USP22: variants seen among roughly 807,000 people sequenced by gnomAD.
The protein encoded by USP22 is ubiquitin specific peptidase 22.
USP22 carries 22 observed loss-of-function variants against 68.1 expected under a neutral mutation model. The ratio of observed to expected loss-of-function variants is 0.32; its 90% CI spans 0.23 to 0.46. The LOEUF (loss-of-function observed/expected upper bound fraction) is 0.46, where lower values mean the gene tolerates loss of function less well. Among genes scored for constraint, USP22 ranks in the 20% least tolerant of loss-of-function variants. The pLI, the probability that USP22 is intolerant of heterozygous loss-of-function variation, is 1.00. For missense variants in USP22, 433 were observed against 695.8 expected (o/e 0.62, Z 4.25); for synonymous variants, 279 against 274.2 (o/e 1.02, Z -0.17).
rs1597690248 is a variant in USP22 at position 21,011,059 on chromosome 17, T to C, written c.1103+92A>G. 6.7e-6 allele frequency: 10 copies of C among 1,482,454 alleles called. No individual in the cohort carries two copies. In the East Asian group the frequency reaches 1.9e-4, roughly 28 times the overall value. 91.8% of individuals were successfully genotyped at this position (1,482,454 alleles called of 1,614,324 possible). A position where few individuals can be genotyped will look rare whatever the true frequency, so the allele number is the denominator to read the frequency against. ...CTGCACCTTTGCCCAGGCTCTGTCC[T>C]GGGCATGTGAAAGAGCCCTGCTTTG... On this transcript the variant is annotated intron_variant, in intron 8 of 12. Coordinates refer to ENST00000261497, the MANE Select transcript of USP22 (RefSeq NM_015276.2).
upstream of USP22, chr17:21,043,074 G>C (rs1301267406): frequency 4.1e-6 from 1 of 241,730 alleles, no homozygotes; most frequent in Admixed American, 5.6e-5. Context: ...CGCGGTTCGC[G>C]GAGGGTGTCG....
chr17:21,041,145 C>T (rs554878287), intron 1 of USP22, among the ~76,000 whole-genome samples: 2 of 151,980 alleles, frequency 1.3e-5, no homozygotes, highest in South Asian at 4.2e-4. Context: ...GGCCTCCCCA[C>T]GTGCTGGGAT....
intron 1 of USP22, among the ~76,000 whole-genome samples, chr17:21,030,453 A>T (rs138181951): frequency 3.0e-4 from 46 of 152,312 alleles, no homozygotes; most frequent in African/African-American, 1.1e-3. Context: ...AGATATATAC[A>T]GTTTCAGAGT....
At chr17:21,034,147 T>A (rs1972326616) in intron 1 of USP22, among the ~76,000 whole-genome samples, 2 of 151,850 alleles carry the variant, frequency 1.3e-5, no homozygotes, top group Admixed American at 1.3e-4. Context: ...TTCCCCAACC[T>A]CAAAAACCTC....
At position 21,041,018 on chromosome 17, in the gene USP22, G is replaced by C. The variant is rs112157308; in HGVS notation, c.171+1647C>G. On this transcript the variant is annotated intron_variant, in intron 1 of 12. Transcript: ENST00000261497. The stretch of plus-strand genomic sequence containing the variant: ...TCCTGCCTCAACCTCTGGAGTAGCT[G>C]GGATTACAGGCGCCCGCCATCACAC... Among the ~76,000 whole-genome samples the C allele has an allele frequency of 7.4e-4, 112 of 151,950 alleles. 1 individual carries two copies. The highest frequency in any genetic ancestry group is 2.6e-3 in the African/African-American group (108 of 41,452).
intron 7 of USP22, 109 bp from the exon 8 acceptor site, chr17:21,011,418 C>G: frequency 7.3e-7 from 1 of 1,376,598 alleles, no homozygotes; most frequent in Non-Finnish European, 9.9e-7. Context: ...TGCCCTTTGT[C>G]ACAGTGACAC....
At chr17:21,006,826 C>A (rs530953676) in intron 10 of USP22, 70 bp downstream of exon 10, 5 of 1,310,140 alleles carry the variant, frequency 3.8e-6, no homozygotes, top group Non-Finnish European at 3.1e-6. Context: ...ATAGGAGCTC[C>A]GAGCTGGATT....
intron 5 of USP22, among the ~76,000 whole-genome samples, chr17:21,017,168 T>C (rs1972093205): frequency 6.6e-6 from 1 of 152,196 alleles, no homozygotes. Flanking sequence ...GTCCAACTGC[T>C]CAACTCTGTG....
At chr17:21,009,468 C>T (rs60329988) in intron 8 of USP22, among the ~76,000 whole-genome samples, 2 of 151,384 alleles carry the variant, frequency 1.3e-5, no homozygotes, top group South Asian at 2.1e-4. Context: ...AGTGGGGACC[C>T]GGGTGCACTC....
At chr17:21,014,142 G>A (rs945139343) in intron 6 of USP22, among the ~76,000 whole-genome samples, 2 of 152,236 alleles carry the variant, frequency 1.3e-5, no homozygotes, top group African/African-American at 2.4e-5. Context: ...CAAAATGCAC[G>A]TAACCAAGGC....
intron 8 of USP22, among the ~76,000 whole-genome samples, chr17:21,010,038 G>A (rs1913904456): frequency 1.3e-5 from 2 of 151,902 alleles, no homozygotes; most frequent in African/African-American, 4.8e-5. Flanking sequence ...AACTACTCAG[G>A]AGGCCGAGAC....
rs1216120754 is a variant in USP22, at chr17:21,000,111, GCCAT to G, written c.*2916_*2919del. On this transcript the variant is annotated 3_prime_UTR_variant, in exon 13 of 13. Coordinates refer to ENST00000261497, the MANE Select transcript of USP22 (RefSeq NM_015276.2). ...GCCAGCCAGCATCTCCAAAATGCAGGCCATTTTAACACTGCTGTGAATGTGCTGG... is the reference window on the plus strand; with the variant it reads ...GCCAGCCAGCATCTCCAAAATGCAGGTTTAACACTGCTGTGAATGTGCTGG... 3 of 152,226 alleles carry G rather than the reference GCCAT, an allele frequency of 2.0e-5. No individual in the cohort carries two copies. The highest frequency in any genetic ancestry group is 4.8e-5 in the African/African-American group (2 of 41,452). 9.4% of individuals were successfully genotyped at this position (152,226 alleles called of 1,614,324 possible).
intron 2 of USP22, among the ~76,000 whole-genome samples, chr17:21,027,953 G>C (rs1009513347): frequency 6.6e-6 from 1 of 152,118 alleles, no homozygotes; most frequent in Admixed American, 6.6e-5. Context: ...GGGTGACAGC[G>C]CGAGACTCCA....
Position 21,003,013 on chromosome 17 carries a change from G to A in USP22, c.*18C>T. ...GCCAATGCATTGCCTTTGTTTTTCT[G>A]ACCAGCTGCAGATAAGGCTACTCGT... On this transcript the variant is annotated 3_prime_UTR_variant, in exon 13 of 13. Transcript: ENST00000261497. The A allele has an allele frequency of 1.2e-6, 2 of 1,613,294 alleles. No individual in the cohort carries two copies. Among genetic ancestry groups the A allele is most frequent in the Admixed American group, 3.3e-5 (2 of 60,010 alleles).
chr17:21,024,869 G>GAGGTTGGGAGGATCACTTC (rs1241861509), intron 2 of USP22, among the ~76,000 whole-genome samples: 5 of 152,178 alleles, frequency 3.3e-5, no homozygotes, highest in African/African-American at 1.2e-4. Context: ...TCAGGAGGCT[G>GAGGTTGGGAGGATCACTTC]AGGTTGGGAG....
chr17:21,010,999 C>G (rs941874232), intron 8 of USP22, 152 bp downstream of exon 8: 2 of 1,096,100 alleles, frequency 1.8e-6, no homozygotes, highest in Admixed American at 6.7e-5. Context: ...AAAGGACAAA[C>G]TAGCACAAGA....
chr17:21,013,747 G>A (rs1367973650), intron 6 of USP22, among the ~76,000 whole-genome samples: 1 of 152,174 alleles, frequency 6.6e-6, no homozygotes, highest in Non-Finnish European at 1.5e-5. Context: ...AAATTCAGAG[G>A]ACAAGAATAT....
intron 2 of USP22, among the ~76,000 whole-genome samples, chr17:21,027,931 G>A (rs779967465): frequency 6.6e-6 from 1 of 152,076 alleles, no homozygotes; most frequent in Non-Finnish European, 1.5e-5. Context: ...TCACACCACC[G>A]CACTCCACCC....
Position 21,011,136 on chromosome 17 carries a change from G to A in USP22, c.1103+15C>T, listed in dbSNP as rs752402160. The A allele has an allele frequency of 5.1e-6, 8 of 1,574,240 alleles. No homozygotes were observed. The highest frequency in any genetic ancestry group is 6.9e-6 in the Non-Finnish European group (8 of 1,158,158). ...CAGGAGACACGCCCCCGCCGTGTGG[G>A]TGCAGGCCTCTCACCGTCGCAGGCA... On this transcript the variant is annotated intron_variant, in intron 8 of 12. Transcript: ENST00000261497.
Sources: allele counts gnomAD v4.1 joint callset (sites outside exome capture counted in the v4.1 genomes callset), GRCh38; gene constraint gnomAD v4.1.1; transcripts MANE v1.5; gene names NCBI Gene and HGNC (gene_info 2026-07-23, HGNC 2026-07-21).